LRRC28: variants seen among roughly 807,000 people sequenced by gnomAD.
LRRC28 encodes leucine-rich repeat-containing protein 28.
A neutral mutation model predicts 45.7 loss-of-function variants in LRRC28; 39 were observed. The observed-to-expected ratio is 0.85, with a 90% CI of 0.66 to 1.12. LRRC28 has a LOEUF of 1.12. Among genes scored for constraint, LRRC28 ranks in the 50% most tolerant of loss-of-function variants. LRRC28 has a pLI of 0.00. For synonymous variants in LRRC28, 206 were observed against 178.8 expected (o/e 1.15, Z -1.22); for missense variants, 435 against 438.5 (o/e 0.99, Z 0.07).
At chr15:99,337,956 C>T (rs534428588) in intron 6 of LRRC28, 41 of 152,390 alleles carry the variant, frequency 2.7e-4, no homozygotes, top group African/African-American at 8.9e-4. Flanking sequence ...TGGTCTAAAA[C>T]TGAATTCTTT....
At chr15:99,283,126 A>C (rs35714966) in intron 3 of LRRC28, among the ~76,000 whole-genome samples, 14,545 of 151,878 alleles carry the variant, frequency 0.096, 986 homozygotes, top group East Asian at 0.32. Flanking sequence ...CTCCTCACCT[A>C]AGGTGATCCA....
At chr15:99,283,839 A>C (rs2081881555) in intron 3 of LRRC28, among the ~76,000 whole-genome samples, 1 of 152,218 alleles carries the variant, frequency 6.6e-6, no homozygotes, top group Admixed American at 6.5e-5. Flanking sequence ...AAGAACATTG[A>C]AACATCAACA....
chr15:99,332,764 C>G lies in LRRC28; in HGVS notation c.386-1159C>G, dbSNP rs1430913977. On this transcript the variant is annotated intron_variant, in intron 5 of 9. Coordinates refer to ENST00000301981, the MANE Select transcript of LRRC28 (RefSeq NM_144598.5). Reference sequence around the variant, plus strand: ...AAAACTAATCTGTTTAATTGAGCATCCAAGACGGCAGAAGACTCTTACCCA... The same window carrying G: ...AAAACTAATCTGTTTAATTGAGCATGCAAGACGGCAGAAGACTCTTACCCA... Among the ~76,000 whole-genome samples, 11 of 152,172 alleles carry G rather than the reference C, an allele frequency of 7.2e-5. 1 individual carries two copies. The highest frequency in any genetic ancestry group is 4.4e-5 in the Non-Finnish European group (3 of 68,046).
In LRRC28 at chr15:99,287,796, C is replaced by T; in HGVS notation, c.248-18C>T. 6.3e-7 allele frequency: 1 copy of T among 1,584,490 alleles called. No individual in the cohort carries two copies. Among genetic ancestry groups the T allele is most frequent in the South Asian group, 1.2e-5 (1 of 85,878 alleles). On this transcript the variant is annotated intron_variant, in intron 4 of 9. Transcript: ENST00000301981. ...ACTTGAGTCAAATTCATTTTGCCTTCTCCTTTTCTCTTTGAAGCCATTGGG... is the reference window on the plus strand; with the variant it reads ...ACTTGAGTCAAATTCATTTTGCCTTTTCCTTTTCTCTTTGAAGCCATTGGG...
chr15:99,301,740 A>G (rs141173868), intron 5 of LRRC28, among the ~76,000 whole-genome samples: 1 of 152,324 alleles, frequency 6.6e-6, no homozygotes, highest in Non-Finnish European at 1.5e-5. Context: ...AAGAGGTGAC[A>G]TAATAGGGTG....
chr15:99,268,845 G>A (rs541526558), intron 2 of LRRC28, among the ~76,000 whole-genome samples: 1 of 152,130 alleles, frequency 6.6e-6, no homozygotes, highest in South Asian at 2.1e-4. Context: ...TTATTAAATA[G>A]GTTTTTTTAA....
At chr15:99,350,754 A>T (rs1956852369) in intron 6 of LRRC28, among the ~76,000 whole-genome samples, 1 of 152,224 alleles carries the variant, frequency 6.6e-6, no homozygotes, top group African/African-American at 2.4e-5. Context: ...TTGTAAGCAG[A>T]ACCCTAGAAA....
intron 5 of LRRC28, chr15:99,320,648 T>C (rs1182689744): frequency 6.6e-6 from 1 of 152,186 alleles, no homozygotes; most frequent in Non-Finnish European, 1.5e-5. Flanking sequence ...TGGTGCTGTT[T>C]GAGCCCTACA....
chr15:99,384,891 A>C (rs1251592152), intron 9 of LRRC28: 1 of 152,278 alleles, frequency 6.6e-6, no homozygotes, highest in Non-Finnish European at 1.5e-5. Context: ...AGGGCTGGAA[A>C]ACAAAATGCA....
chr15:99,378,804 A>G (rs948917360), intron 9 of LRRC28, among the ~76,000 whole-genome samples: 2 of 151,870 alleles, frequency 1.3e-5, no homozygotes, highest in Non-Finnish European at 2.9e-5. Context: ...TAATCATGTG[A>G]TTTTTGTCTT....
At chr15:99,259,116 C>G (rs575742454) in intron 2 of LRRC28, 9 of 1,324,240 alleles carry the variant, frequency 6.8e-6, no homozygotes, top group Non-Finnish European at 9.8e-6. Context: ...GAAGACCACT[C>G]GAATCGAACA....
chr15:99,257,905 C>T lies in LRRC28; in HGVS notation c.168+1780C>T. 3 of 769,764 alleles carry T rather than the reference C, an allele frequency of 3.9e-6. No homozygotes were observed. In the South Asian group the frequency reaches 4.2e-5, roughly 11 times the overall value. 47.7% of individuals were successfully genotyped at this position (769,764 alleles called of 1,614,324 possible). ...AGAATGATGAAACTTATCATCAATT[C>T]ATTGTATGAAAATAAAGAGATTTTC... On this transcript the variant is annotated intron_variant, in intron 2 of 9. Transcript: ENST00000301981.
chr15:99,317,763 T>A (rs1023868060), intron 5 of LRRC28, among the ~76,000 whole-genome samples: 1 of 152,174 alleles, frequency 6.6e-6, no homozygotes, highest in Admixed American at 6.6e-5. Flanking sequence ...TATTTGCAAC[T>A]AAAGCATTTC....
intron 5 of LRRC28, among the ~76,000 whole-genome samples, chr15:99,303,392 A>C (rs1329612376): frequency 6.6e-6 from 1 of 152,234 alleles, no homozygotes; most frequent in Non-Finnish European, 1.5e-5. Context: ...GATAATTTTC[A>C]TAAAAAAGCT....
At position 99,255,982 on chromosome 15, in the gene LRRC28, A is replaced by G. The variant is rs1460156984; in HGVS notation, c.25A>G (p.Ile9Val). Residue 9 changes from isoleucine to valine, a missense_variant, in exon 2 of 10, where the codon ATC (isoleucine) becomes GTC (valine). Physicochemically the swap from Ile to Val is conservative, Grantham distance 29. Coordinates refer to ENST00000301981, the MANE Select transcript of LRRC28 (RefSeq NM_144598.5). MASELCKT[I>V]SVARLEKHKN... The stretch of plus-strand genomic sequence containing the variant: ...CATGGCGTCCGAACTTTGTAAGACG[A>G]TCTCTGTGGCAAGGCTAGAAAAGCA... The G allele has an allele frequency of 1.9e-6, 3 of 1,612,672 alleles. No homozygotes were observed. Among genetic ancestry groups the G allele is most frequent in the Admixed American group, 1.7e-5 (1 of 60,016 alleles).
At chr15:99,289,285 G>T (rs2082044772) in intron 5 of LRRC28, among the ~76,000 whole-genome samples, 1 of 151,960 alleles carries the variant, frequency 6.6e-6, no homozygotes, top group African/African-American at 2.4e-5. Flanking sequence ...TATGCTTCAG[G>T]TATTATATGA....
intron 9 of LRRC28, among the ~76,000 whole-genome samples, chr15:99,380,158 T>C (rs1271763690): frequency 1.3e-5 from 2 of 152,152 alleles, no homozygotes; most frequent in Non-Finnish European, 2.9e-5. Context: ...CCCCTTATTA[T>C]TGTGTGGGAG....
intron 2 of LRRC28, among the ~76,000 whole-genome samples, chr15:99,264,789 T>G (rs374534272): frequency 6.6e-6 from 1 of 152,072 alleles, no homozygotes; most frequent in South Asian, 2.1e-4. Context: ...GAGGACAGAG[T>G]AAATGCTGAT....
chr15:99,280,664 G>T (rs1363818586), intron 3 of LRRC28, among the ~76,000 whole-genome samples: 2 of 151,922 alleles, frequency 1.3e-5, no homozygotes, highest in Non-Finnish European at 2.9e-5. Flanking sequence ...AATTTTAAGG[G>T]TTTGATTTAG....
Sources: gnomAD v4.1 joint callset for allele counts (sites outside exome capture counted in the v4.1 genomes callset) on GRCh38, gnomAD v4.1.1 for gene constraint, MANE v1.5 for transcripts, NCBI Gene and HGNC (gene_info 2026-07-23, HGNC 2026-07-21) for gene names.